Variants in SLC44A5 observed in about 807,000 individuals in gnomAD.
SLC44A5 encodes the protein choline transporter-like protein 5.
Under a neutral mutation model 101.8 loss-of-function variants are expected in SLC44A5, and 57 were observed. That is an observed-to-expected ratio of 0.56 (90% CI 0.45 to 0.70). The LOEUF (loss-of-function observed/expected upper bound fraction) is 0.70. SLC44A5 is among the 30% of genes least tolerant of loss of function. The probability of loss-of-function intolerance (pLI) is 0.00; values close to 1 mark genes in which losing one functional copy is unlikely to be tolerated. For synonymous variants in SLC44A5, 281 were observed against 290.9 expected (o/e 0.97, Z 0.35); for missense variants, 737 against 853.1 (o/e 0.86, Z 1.70).
chr1:75,466,605 G>A (rs894368695), intron 2 of SLC44A5, among the ~76,000 whole-genome samples: 5 of 146,642 alleles, frequency 3.4e-5, no homozygotes, highest in African/African-American at 7.7e-5. Flanking sequence ...GCAGTGAGCC[G>A]AGATTGTGCC....
the SLC44A5 span, chr1:75,677,641 T>C: frequency 2.6e-6 from 1 of 381,702 alleles, no homozygotes; most frequent in African/African-American, 2.2e-5. Context: ...TTATCAATAA[T>C]AACTGAAAGT....
At chr1:75,393,369 C>T (rs529071469) in intron 3 of SLC44A5, among the ~76,000 whole-genome samples, 3 of 152,164 alleles carry the variant, frequency 2.0e-5, no homozygotes, top group African/African-American at 4.8e-5. Flanking sequence ...CACATATGCC[C>T]ATACATATGT....
At chr1:75,656,585 G>A in the SLC44A5 span, among the ~76,000 whole-genome samples, 4 of 151,466 alleles carry the variant, frequency 2.6e-5, no homozygotes, top group Non-Finnish European at 5.9e-5. Flanking sequence ...CATGATTAAA[G>A]TTGCCATCAG....
chr1:75,531,213 A>G (rs1018070774), intron 2 of SLC44A5, among the ~76,000 whole-genome samples: 1 of 152,244 alleles, frequency 6.6e-6, no homozygotes, highest in African/African-American at 2.4e-5. Flanking sequence ...CTGTCCATAA[A>G]TAGACCTATT....
intron 10 of SLC44A5, among the ~76,000 whole-genome samples, 189 bp from the exon 11 acceptor site, chr1:75,237,259 G>A (rs1425825353): frequency 2.0e-5 from 3 of 152,216 alleles, no homozygotes; most frequent in Admixed American, 6.6e-5. Context: ...TGCAAAGGTA[G>A]CTATAGCTGC....
chr1:75,595,471 A>C (rs934474794), intron 1 of SLC44A5, among the ~76,000 whole-genome samples: 1 of 152,086 alleles, frequency 6.6e-6, no homozygotes, highest in African/African-American at 2.4e-5. Context: ...ACTTTTGATG[A>C]GTTAGATAGT....
chr1:75,505,482 A>T (rs1442313280), intron 2 of SLC44A5, among the ~76,000 whole-genome samples: 2 of 152,192 alleles, frequency 1.3e-5, no homozygotes, highest in African/African-American at 4.8e-5. Context: ...ACAGTATATA[A>T]GTCTTCCCTT....
upstream of SLC44A5, among the ~76,000 whole-genome samples, chr1:75,615,006 T>TA (rs1350801856): frequency 6.6e-6 from 1 of 151,946 alleles, no homozygotes; most frequent in Non-Finnish European, 1.5e-5. Context: ...CTGCGACCCC[T>TA]AGGCAAGACG....
chr1:75,361,028 T>C (rs770586813), intron 3 of SLC44A5, among the ~76,000 whole-genome samples: 23 of 152,164 alleles, frequency 1.5e-4, no homozygotes, highest in Non-Finnish European at 2.8e-4. Flanking sequence ...TTCCCCTACA[T>C]GATTAAATTT....
At chr1:75,385,468 T>A (rs1311020421) in intron 3 of SLC44A5, among the ~76,000 whole-genome samples, 2 of 152,028 alleles carry the variant, frequency 1.3e-5, no homozygotes, top group African/African-American at 4.8e-5. Flanking sequence ...AAGAAATGGA[T>A]AAATTCCTCG....
chr1:75,228,639 T>C (rs1410420779), intron 12 of SLC44A5, among the ~76,000 whole-genome samples: 1 of 151,942 alleles, frequency 6.6e-6, no homozygotes, highest in Non-Finnish European at 1.5e-5. Flanking sequence ...TTTCTTCCAA[T>C]TCTTGTCTTT....
At chr1:75,254,052 T>C (rs1649804944) in intron 6 of SLC44A5, among the ~76,000 whole-genome samples, 1 of 152,124 alleles carries the variant, frequency 6.6e-6, no homozygotes, top group African/African-American at 2.4e-5. Context: ...ACTTTTTTTT[T>C]TTTTAGACGG....
intron 3 of SLC44A5, among the ~76,000 whole-genome samples, chr1:75,352,271 C>T (rs931792132): frequency 6.6e-6 from 1 of 151,770 alleles, no homozygotes; most frequent in East Asian, 1.9e-4. Flanking sequence ...CAAAGTGTGC[C>T]GTGGTGGTTT....
At chr1:75,646,374 A>T in the SLC44A5 span, among the ~76,000 whole-genome samples, 1 of 151,964 alleles carries the variant, frequency 6.6e-6, no homozygotes, top group East Asian at 1.9e-4. Context: ...ATTCCTAGGT[A>T]TTTTATTCTC....
intron 5 of SLC44A5, among the ~76,000 whole-genome samples, chr1:75,298,852 A>G (rs1654198960): frequency 6.6e-6 from 1 of 152,220 alleles, no homozygotes; most frequent in Admixed American, 6.5e-5. Flanking sequence ...ACTGTTATGC[A>G]GCATTATTGG....
chr1:75,667,942 A>T, the SLC44A5 span, among the ~76,000 whole-genome samples: 2 of 152,244 alleles, frequency 1.3e-5, no homozygotes, highest in African/African-American at 4.8e-5. Context: ...AAAGCAGAAG[A>T]TAGCAAGCAT....
At chr1:75,517,371 G>C (rs1237322127) in intron 2 of SLC44A5, among the ~76,000 whole-genome samples, 2 of 151,936 alleles carry the variant, frequency 1.3e-5, no homozygotes, top group Admixed American at 1.3e-4. Flanking sequence ...AGATTGAAAA[G>C]GGGGACAGCT....
intron 2 of SLC44A5, among the ~76,000 whole-genome samples, chr1:75,469,237 C>T (rs1239170367): frequency 3.9e-5 from 6 of 152,146 alleles, no homozygotes; most frequent in Non-Finnish European, 1.5e-5. Context: ...TACAGCTCAT[C>T]TCAATTCAGA....
intron 2 of SLC44A5, among the ~76,000 whole-genome samples, chr1:75,421,353 A>C (rs932520124): frequency 2.0e-5 from 3 of 152,154 alleles, no homozygotes; most frequent in African/African-American, 4.8e-5. Context: ...CTTGAGGAGG[A>C]ATAAAAGGAG....
Sources: gnomAD v4.1 joint callset for allele counts (sites outside exome capture counted in the v4.1 genomes callset) on GRCh38, gnomAD v4.1.1 for gene constraint, MANE v1.5 for transcripts, NCBI Gene and HGNC (gene_info 2026-07-23, HGNC 2026-07-21) for gene names.